Variants in SDR16C5 observed in about 807,000 individuals in gnomAD.
SDR16C5 encodes the protein short chain dehydrogenase/reductase family 16C member 5, also known as epidermal retinol dehydrogenase 2.
A neutral mutation model predicts 27.7 loss-of-function variants in SDR16C5; 20 were observed. The ratio of observed to expected loss-of-function variants is 0.72; its 90% CI spans 0.51 to 1.05. The LOEUF is 1.05. Ranked by LOEUF, SDR16C5 falls within the 50% of genes least tolerant of loss-of-function variation. The pLI is 0.00. For synonymous variants in SDR16C5, 139 were observed against 132.3 expected (o/e 1.05, Z -0.35); for missense variants, 374 against 366.3 (o/e 1.02, Z -0.17).
intron 3 of SDR16C5, chr8:56,309,256 A>G: frequency 1.1e-6 from 1 of 922,268 alleles, no homozygotes; most frequent in Non-Finnish European, 1.3e-6. Context: ...ATTTATTCAG[A>G]CTTATGTTTT....
At chr8:56,319,260 C>T (rs1160737904) in intron 1 of SDR16C5, among the ~76,000 whole-genome samples, 4 of 152,202 alleles carry the variant, frequency 2.6e-5, no homozygotes, top group South Asian at 4.1e-4. Context: ...CTCCTCAATC[C>T]CCATAATAAT....
intron 1 of SDR16C5, among the ~76,000 whole-genome samples, chr8:56,316,742 G>C (rs190324694): frequency 6.6e-6 from 1 of 152,164 alleles, no homozygotes; most frequent in African/African-American, 2.4e-5. Context: ...TATGTTCAAA[G>C]TCTTGACCAC....
chr8:56,312,482 G>C (rs555149853), intron 2 of SDR16C5, among the ~76,000 whole-genome samples, 194 bp from the exon 3 acceptor site: 38 of 152,214 alleles, frequency 2.5e-4, no homozygotes, highest in African/African-American at 8.9e-4. Flanking sequence ...AGGCAGGGGG[G>C]TGACTTGAGG....
At position 56,312,210 on chromosome 8, in the gene SDR16C5, G is replaced by A. The variant is rs1219295875; in HGVS notation, c.412C>T (p.Pro138Ser). Reference sequence around the variant, plus strand: ...AATGACTTTTCCATAAGCTCATCTGGACAGTCAAGGAACTTTTTGCCTGTT... The same window carrying A: ...AATGACTTTTCCATAAGCTCATCTGAACAGTCAAGGAACTTTTTGCCTGTT... ...IVTGKKFLDC[P>S]DELMEKSFDV... Residue 138 changes from proline (P) to serine (S), a missense_variant, in exon 3 of 7, where the codon CCA becomes TCA. Coordinates refer to ENST00000303749, the MANE Select transcript of SDR16C5 (RefSeq NM_138969.4). 1 of 1,612,040 alleles carries A rather than the reference G, an allele frequency of 6.2e-7. No individual in the cohort carries two copies. Among genetic ancestry groups the A allele is most frequent in the Admixed American group, 1.7e-5 (1 of 60,002 alleles).
chr8:56,307,360 T>C (rs1814912976), intron 4 of SDR16C5, among the ~76,000 whole-genome samples: 1 of 151,534 alleles, frequency 6.6e-6, no homozygotes, highest in African/African-American at 2.4e-5. Context: ...AAATGTAGGG[T>C]GGGGGCAGAG....
intron 4 of SDR16C5, among the ~76,000 whole-genome samples, chr8:56,308,202 G>A (rs1814934858): frequency 6.6e-6 from 1 of 152,200 alleles, no homozygotes; most frequent in African/African-American, 2.4e-5. Flanking sequence ...CACCCAACTG[G>A]CAAACTGGCT....
At chr8:56,301,602 T>C in intron 6 of SDR16C5, 29 bp from the exon 7 acceptor site, 1 of 1,521,126 alleles carries the variant, frequency 6.6e-7, no homozygotes, top group Non-Finnish European at 9.1e-7. Flanking sequence ...TAAACTTTCT[T>C]TATTATCATT....
At chr8:56,307,889 C>T (rs537042400) in intron 4 of SDR16C5, among the ~76,000 whole-genome samples, 1 of 152,010 alleles carries the variant, frequency 6.6e-6, no homozygotes, top group African/African-American at 2.4e-5. Context: ...GCTGCAGGTG[C>T]GAGAGTCCTG....
In SDR16C5 at chr8:56,320,118, A is replaced by C. The variant is rs1246242506; in HGVS notation, c.-74T>G. ...CGGCCTCGTCTGCCCCAGGCACCCG[A>C]GTCCCTGGCTCGGAGCTCAGTCAGG... On this transcript the variant is annotated 5_prime_UTR_variant, in exon 1 of 7. Coordinates refer to ENST00000303749, the MANE Select transcript of SDR16C5 (RefSeq NM_138969.4). 1 of 152,238 alleles carries C rather than the reference A, an allele frequency of 6.6e-6. No homozygotes were observed. The highest frequency in any genetic ancestry group is 2.4e-5 in the African/African-American group (1 of 41,434). 9.4% of individuals were successfully genotyped at this position (152,238 alleles called of 1,614,324 possible).
rs182232540 is a variant in SDR16C5 at position 56,312,559 on chromosome 8, G to A, written c.334-271C>T. The stretch of plus-strand genomic sequence containing the variant: ...GTCTCTATTAAAATTACAAAAATTA[G>A]CCAGGCATGGTGATGCGTGCCTCTA... On this transcript the variant is annotated intron_variant, in intron 2 of 6. Coordinates refer to ENST00000303749, the MANE Select transcript of SDR16C5 (RefSeq NM_138969.4). 1.1e-4 allele frequency among the ~76,000 whole-genome samples: 17 copies of A among 152,076 alleles called. No homozygotes were observed. In the East Asian group the frequency reaches 2.9e-3, roughly 26 times the overall value.
intron 6 of SDR16C5, among the ~76,000 whole-genome samples, chr8:56,304,684 G>A (rs912118322): frequency 6.6e-6 from 1 of 151,976 alleles, no homozygotes; most frequent in Non-Finnish European, 1.5e-5. Flanking sequence ...GATTACAGGT[G>A]TGCACCACCA....
At chr8:56,311,513 C>T (rs1020335323) in intron 3 of SDR16C5, among the ~76,000 whole-genome samples, 4 of 152,126 alleles carry the variant, frequency 2.6e-5, no homozygotes, top group Non-Finnish European at 4.4e-5. Flanking sequence ...GTGGGGAGGC[C>T]TGAGATGGCT....
In SDR16C5 at chr8:56,306,740, T is replaced by C. The variant is rs753757184; in HGVS notation, c.646A>G (p.Ile216Val). The change falls in exon 5 of 7, where the codon ATC (isoleucine) becomes GTC (valine). Residue 216 changes from isoleucine (I) to valine (V), a missense_variant. Ile to Val is a conservative substitution (Grantham distance 29). Transcript: ENST00000303749. ...VETFVQKQKG[I>V]KTTIVCPFFI... Reference sequence around the variant, plus strand: ...AAGGGGCACACAATCGTGGTTTTGATCCCCTTTTGTTTTTGGACAAATGTT... The same window carrying C: ...AAGGGGCACACAATCGTGGTTTTGACCCCCTTTTGTTTTTGGACAAATGTT... 1.2e-6 allele frequency: 2 copies of C among 1,613,794 alleles called. No individual in the cohort carries two copies. The highest frequency in any genetic ancestry group is 1.7e-5 in the Admixed American group (1 of 59,968).
Position 56,305,670 on chromosome 8 carries a change from C to T in SDR16C5, c.763G>A (p.Val255Ile). ...LEPKYAVEKI[V>I]EAILQEKMYL... ...ATTTTTTCTTGTAGAATAGCTTCTA[C>T]TATTTTTTCAACTGCATATTTTGGT... The change falls in exon 6 of 7, where the codon GTA (valine) becomes ATA (isoleucine). Residue 255 changes from valine (V) to isoleucine (I), a missense_variant. Coordinates refer to ENST00000303749, the MANE Select transcript of SDR16C5 (RefSeq NM_138969.4). The T allele has an allele frequency of 6.2e-7, 1 of 1,603,332 alleles. No individual in the cohort carries two copies.
At position 56,306,669 on chromosome 8, in the gene SDR16C5, T is replaced by C. The variant is rs1585910038; in HGVS notation, c.710+7A>G. 6.3e-7 allele frequency: 1 copy of C among 1,599,360 alleles called. No homozygotes were observed. The highest frequency in any genetic ancestry group is 8.5e-7 in the Non-Finnish European group (1 of 1,175,018). On this transcript the variant is annotated splice_region_variant and intron_variant, in intron 5 of 6. Transcript: ENST00000303749. ...GTAGATTCTTTGAAATTAAAGGACA[T>C]ACTTACCCTGTAGTACAACCTTCAA...
intron 5 of SDR16C5, 75 bp downstream of exon 5, chr8:56,306,601 T>TA (rs910480360): frequency 6.0e-5 from 80 of 1,341,062 alleles, no homozygotes; most frequent in Middle Eastern, 5.4e-4. Context: ...TTAAACAACT[T>TA]AAAAAAAAGA....
At chr8:56,319,371 C>T (rs1815276056) in intron 1 of SDR16C5, among the ~76,000 whole-genome samples, 1 of 152,186 alleles carries the variant, frequency 6.6e-6, no homozygotes, top group South Asian at 2.1e-4. Flanking sequence ...TCCTGTTAAG[C>T]ATATGAATTA....
chr8:56,307,774 C>G (rs536358008), intron 4 of SDR16C5, among the ~76,000 whole-genome samples: 2 of 152,192 alleles, frequency 1.3e-5, no homozygotes, highest in East Asian at 3.9e-4. Flanking sequence ...GGCCCATGAC[C>G]CAAGGAATCT....
chr8:56,316,360 A>G lies in SDR16C5; in HGVS notation c.-13T>C. On this transcript the variant is annotated splice_region_variant and 5_prime_UTR_variant, in exon 2 of 7. Coordinates refer to ENST00000303749, the MANE Select transcript of SDR16C5 (RefSeq NM_138969.4). ...GGTTGAAAGACATGTTCTGGCTGAC[A>G]CCTGTGAAGAAAGACAGATTCACAT... is the stretch of plus-strand genomic sequence containing the variant. 1 of 1,589,940 alleles carries G rather than the reference A, an allele frequency of 6.3e-7. No individual in the cohort carries two copies. Among genetic ancestry groups the G allele is most frequent in the Non-Finnish European group, 8.6e-7 (1 of 1,158,802 alleles).
Sources: allele counts gnomAD v4.1 joint callset (sites outside exome capture counted in the v4.1 genomes callset), GRCh38; gene constraint gnomAD v4.1.1; transcripts MANE v1.5; gene names NCBI Gene and HGNC (gene_info 2026-07-23, HGNC 2026-07-21).